Variants in MAPK6 observed in about 807,000 individuals in gnomAD.
MAPK6 encodes mitogen-activated protein kinase 6, also known as ERK-3.
MAPK6 carries 19 observed loss-of-function variants against 59.3 expected under a neutral mutation model. That is an observed-to-expected ratio of 0.32 (90% CI 0.22 to 0.47). The LOEUF is 0.47. MAPK6 is among the 20% of genes least tolerant of loss of function. The probability of loss-of-function intolerance (pLI) is 1.00; values close to 1 mark genes in which losing one functional copy is unlikely to be tolerated. For missense variants in MAPK6, 724 were observed against 847.9 expected (o/e 0.85, Z 1.81); for synonymous variants, 316 against 290.3 (o/e 1.09, Z -0.90).
chr15:52,039,314 C>T (rs536275346), intron 1 of MAPK6, among the ~76,000 whole-genome samples: 1 of 152,138 alleles, frequency 6.6e-6, no homozygotes, highest in South Asian at 2.1e-4. Context: ...AATCTGGTTA[C>T]AGATTTACTG....
intron 1 of MAPK6, among the ~76,000 whole-genome samples, chr15:52,034,366 C>T (rs1207808194): frequency 4.8e-5 from 7 of 145,774 alleles, no homozygotes; most frequent in Non-Finnish European, 7.5e-5. Context: ...CATACTGGAG[C>T]ACGATGGCTG....
chr15:52,013,014 A>AT (rs2030127515), intron 3 of MAPK6, among the ~76,000 whole-genome samples: 1 of 16,750 alleles, frequency 6.0e-5, no homozygotes, highest in Non-Finnish European at 1.2e-4. Flanking sequence ...AAAAAAAAAA[A>AT]AAAAAAATAT....
At chr15:52,042,643 CAG>C (rs1167657806) in intron 1 of MAPK6, 2 of 152,132 alleles carry the variant, frequency 1.3e-5, no homozygotes, top group African/African-American at 4.8e-5. Flanking sequence ...TGTCAGATAA[CAG>C]TGGTGTAATT....
At chr15:52,022,363 T>A (rs1372313188) in intron 1 of MAPK6, among the ~76,000 whole-genome samples, 1 of 152,104 alleles carries the variant, frequency 6.6e-6, no homozygotes, top group East Asian at 1.9e-4. Flanking sequence ...CGGGCTCAGG[T>A]GATCTTCCTG....
intron 2 of MAPK6, among the ~76,000 whole-genome samples, chr15:51,999,573 T>C (rs2057236513): frequency 6.6e-6 from 1 of 152,162 alleles, no homozygotes; most frequent in African/African-American, 2.4e-5. Flanking sequence ...TCCCACGCTT[T>C]GGGTTGTTTT....
intron 2 of MAPK6, among the ~76,000 whole-genome samples, chr15:51,996,469 C>T (rs1394175371): frequency 6.6e-6 from 1 of 152,126 alleles, no homozygotes; most frequent in Admixed American, 6.6e-5. Context: ...AATCTTGGCT[C>T]ACTGCAACCT....
chr15:52,047,718 G>C (rs2031639882), intron 2 of MAPK6, among the ~76,000 whole-genome samples: 1 of 151,138 alleles, frequency 6.6e-6, no homozygotes. Flanking sequence ...AAACTTCTGG[G>C]CTCAAGTGAT....
chr15:51,984,874 T>G (rs1265793493), intron 2 of MAPK6, among the ~76,000 whole-genome samples: 1 of 152,156 alleles, frequency 6.6e-6, no homozygotes, highest in Non-Finnish European at 1.5e-5. Context: ...GAAGTGAGAT[T>G]ATGGGAAGAC....
intron 2 of MAPK6, among the ~76,000 whole-genome samples, chr15:51,983,881 G>A (rs1329020550): frequency 6.6e-6 from 1 of 151,756 alleles, no homozygotes; most frequent in African/African-American, 2.4e-5. Context: ...ACTGTAAATG[G>A]CTATACTCTT....
chr15:52,044,926 CTT>C (rs80337297), intron 1 of MAPK6, among the ~76,000 whole-genome samples: 54 of 130,732 alleles, frequency 4.1e-4, no homozygotes, highest in Non-Finnish European at 7.2e-4. Flanking sequence ...TTTTTTTTTC[CTT>C]TTTTTTTTTT....
chr15:52,020,769 A>G (rs1431519645), intron 1 of MAPK6, among the ~76,000 whole-genome samples: 1 of 152,260 alleles, frequency 6.6e-6, no homozygotes, highest in African/African-American at 2.4e-5. Context: ...TTTAGATAGT[A>G]GTTGTTCAAA....
Position 52,005,688 on chromosome 15 carries a change from A to C in MAPK6, c.-632+1286A>C, listed in dbSNP as rs984946432. Among the ~76,000 whole-genome samples, 6 of 152,026 alleles carry C rather than the reference A, an allele frequency of 3.9e-5. No homozygotes were observed. The South Asian group carries it at 1.2e-3, about 32-fold the overall frequency. On this transcript the variant is annotated intron_variant, in intron 3 of 7. Coordinates refer to the MAPK6 transcript ENST00000691380. ...ATTATCTCATGTATTCCTTGGACAG[A>C]CCCCACCCTTCGAGGGAGGGGAGGT... is the stretch of plus-strand genomic sequence containing the variant.
At chr15:52,040,603 C>T (rs1041517991) in intron 1 of MAPK6, among the ~76,000 whole-genome samples, 2 of 152,104 alleles carry the variant, frequency 1.3e-5, no homozygotes, top group Non-Finnish European at 2.9e-5. Context: ...AAAATTCTGG[C>T]GAGATAGGAC....
upstream of MAPK6, chr15:52,017,222 A>G (rs1301128082): frequency 6.6e-6 from 1 of 152,326 alleles, no homozygotes; most frequent in Non-Finnish European, 1.5e-5. Context: ...GCTGAGTCTG[A>G]AAAAGGAGTC....
At chr15:52,032,574 GT>G (rs1251392478) in intron 1 of MAPK6, among the ~76,000 whole-genome samples, 1 of 151,982 alleles carries the variant, frequency 6.6e-6, no homozygotes, top group Non-Finnish European at 1.5e-5. Flanking sequence ...TAGATCTGGG[GT>G]TAGTTACATT....
At chr15:52,018,816 G>A (rs546262075), upstream of MAPK6, 15 of 152,382 alleles carry the variant, frequency 9.8e-5, no homozygotes, top group Non-Finnish European at 2.2e-4. Flanking sequence ...CCTCTAACGC[G>A]TCTGTCTTGT....
In MAPK6 at chr15:51,976,711, G is replaced by A. The variant is rs764499642; in HGVS notation, c.-880+4805G>A. 4.6e-5 allele frequency among the ~76,000 whole-genome samples: 7 copies of A among 151,802 alleles called. 1 individual carries two copies. Among genetic ancestry groups the A allele is most frequent in the African/African-American group, 1.4e-4 (6 of 41,518 alleles). On this transcript the variant is annotated intron_variant, in intron 1 of 7. Transcript: ENST00000691380. ...TATAATCTCAGCACGTTGGGAGGCC[G>A]AGGCAGGCGGATCATGAAGTCAGGA... is the stretch of plus-strand genomic sequence containing the variant.
At chr15:51,982,865 C>A (rs560628311) in intron 1 of MAPK6, among the ~76,000 whole-genome samples, 19 of 152,218 alleles carry the variant, frequency 1.2e-4, no homozygotes, top group Admixed American at 3.9e-4. Context: ...CCTAAAGAAT[C>A]CAGTGAAGAT....
intron 5 of MAPK6, among the ~76,000 whole-genome samples, chr15:52,063,612 ATTGAGAT>A (rs1260010059): frequency 2.0e-5 from 3 of 151,614 alleles, no homozygotes; most frequent in Non-Finnish European, 4.4e-5. Context: ...AAGGTACCTG[ATTGAGAT>A]TTGAGATCTG....
Sources: gnomAD v4.1 joint callset for allele counts (sites outside exome capture counted in the v4.1 genomes callset) on GRCh38, gnomAD v4.1.1 for gene constraint, MANE v1.5 for transcripts, NCBI Gene and HGNC (gene_info 2026-07-23, HGNC 2026-07-21) for gene names.